Variants in IMMP2L observed in about 807,000 individuals in gnomAD.
The protein encoded by IMMP2L is inner mitochondrial membrane peptidase subunit 2.
In IMMP2L, 18 loss-of-function variants were observed where a neutral mutation model predicts 19.3. The ratio of observed to expected loss-of-function variants is 0.93; its 90% CI spans 0.64 to 1.38. IMMP2L has a LOEUF of 1.38. Among genes scored for constraint, IMMP2L ranks in the 40% most tolerant of loss-of-function variants. IMMP2L has a pLI of 0.00. For missense variants in IMMP2L, 233 were observed against 218.2 expected (o/e 1.07, Z -0.43); for synonymous variants, 76 against 73.0 (o/e 1.04, Z -0.21).
chr7:111,042,489 A>G (rs2129571168), intron 3 of IMMP2L, among the ~76,000 whole-genome samples: 1 of 152,288 alleles, frequency 6.6e-6, no homozygotes, highest in East Asian at 1.9e-4. Context: ...CTACCATTTA[A>G]AGATTTTATC....
chr7:110,744,334 A>C (rs977068486), intron 5 of IMMP2L, among the ~76,000 whole-genome samples: 2 of 152,318 alleles, frequency 1.3e-5, no homozygotes, highest in African/African-American at 4.8e-5. Context: ...AGCAGACTTA[A>C]ACGTCCCTAC....
chr7:111,167,104 G>A (rs1322739726), intron 3 of IMMP2L, among the ~76,000 whole-genome samples: 1 of 151,838 alleles, frequency 6.6e-6, no homozygotes, highest in African/African-American at 2.4e-5. Context: ...ATATCACTTG[G>A]CAATGTTCTA....
At chr7:111,347,397 G>A (rs548103182) in intron 3 of IMMP2L, among the ~76,000 whole-genome samples, 4 of 152,146 alleles carry the variant, frequency 2.6e-5, no homozygotes, top group South Asian at 2.1e-4. Context: ...AGGTAAAAAC[G>A]ATTAAGAAGT....
chr7:111,292,917 A>G (rs1316972237), intron 3 of IMMP2L, among the ~76,000 whole-genome samples: 1 of 152,022 alleles, frequency 6.6e-6, no homozygotes, highest in African/African-American at 2.4e-5. Context: ...TCACAGCACA[A>G]TGGTAAAGGC....
intron 2 of IMMP2L, among the ~76,000 whole-genome samples, chr7:111,519,227 G>A (rs879724392): frequency 6.6e-6 from 1 of 152,122 alleles, no homozygotes; most frequent in Non-Finnish European, 1.5e-5. Context: ...ACTGGTCTGA[G>A]AGAACTAAGC....
intron 3 of IMMP2L, among the ~76,000 whole-genome samples, chr7:111,034,525 T>A (rs1373426935): frequency 6.6e-6 from 1 of 152,136 alleles, no homozygotes; most frequent in Admixed American, 6.5e-5. Flanking sequence ...CCTCTATATT[T>A]ATCTATTCAT....
intron 3 of IMMP2L, among the ~76,000 whole-genome samples, chr7:111,451,767 G>C (rs1030762520): frequency 2.7e-5 from 4 of 149,946 alleles, no homozygotes; most frequent in African/African-American, 9.8e-5. Context: ...AAAAAGCAGA[G>C]AGAAGGCAAG....
At chr7:111,292,734 T>C (rs1039919026) in intron 3 of IMMP2L, among the ~76,000 whole-genome samples, 3 of 152,026 alleles carry the variant, frequency 2.0e-5, no homozygotes, top group Non-Finnish European at 2.9e-5. Flanking sequence ...GTGGCAAATA[T>C]TGAACATTTT....
At chr7:111,262,193 C>T (rs1817378997) in intron 3 of IMMP2L, among the ~76,000 whole-genome samples, 1 of 151,974 alleles carries the variant, frequency 6.6e-6, no homozygotes, top group Non-Finnish European at 1.5e-5. Context: ...ATGGCACAAA[C>T]AATCTATAAA....
intron 3 of IMMP2L, among the ~76,000 whole-genome samples, chr7:111,071,704 G>A (rs1187293587): frequency 6.6e-6 from 1 of 151,982 alleles, no homozygotes; most frequent in Non-Finnish European, 1.5e-5. Context: ...AAAAGCAGAT[G>A]GGTAGTTGCC....
chr7:110,796,516 T>C (rs1800873531), intron 5 of IMMP2L, among the ~76,000 whole-genome samples: 1 of 152,070 alleles, frequency 6.6e-6, no homozygotes, highest in African/African-American at 2.4e-5. Context: ...AACTCTCCAG[T>C]TAAATATTAT....
chr7:111,507,931 A>G (rs1845088133), intron 2 of IMMP2L, among the ~76,000 whole-genome samples: 1 of 152,154 alleles, frequency 6.6e-6, no homozygotes, highest in Admixed American at 6.5e-5. Flanking sequence ...GTACTGACCA[A>G]GCTCCTACTT....
chr7:111,192,529 T>C (rs1809001096), intron 3 of IMMP2L, among the ~76,000 whole-genome samples: 1 of 152,156 alleles, frequency 6.6e-6, no homozygotes, highest in Admixed American at 6.5e-5. Context: ...TTAATCTTAA[T>C]AAAATTAAGT....
chr7:111,222,215 C>T (rs1464377676), intron 3 of IMMP2L, among the ~76,000 whole-genome samples: 1 of 151,796 alleles, frequency 6.6e-6, no homozygotes, highest in Non-Finnish European at 1.5e-5. Flanking sequence ...TACCTCAATT[C>T]CTGATTGATT....
chr7:110,901,409 G>A lies in IMMP2L; in HGVS notation c.306-14714C>T, dbSNP rs140984907. On this transcript the variant is annotated intron_variant, in intron 4 of 5. Coordinates refer to ENST00000405709, the MANE Select transcript of IMMP2L (RefSeq NM_032549.4). ...TAAGGGTTGCTATTTCCCTCATTTC[G>A]GTAACAGTTTCATATACTATCTTAA... Among the ~76,000 whole-genome samples the A allele has an allele frequency of 6.8e-3, 1,039 of 152,082 alleles. 9 individuals carry two copies. The highest frequency in any genetic ancestry group is 0.022 in the African/African-American group (897 of 41,476).
chr7:110,988,240 G>T (rs1822061797), intron 3 of IMMP2L, among the ~76,000 whole-genome samples: 1 of 152,198 alleles, frequency 6.6e-6, no homozygotes, highest in Admixed American at 6.5e-5. Context: ...AGCCATAGGG[G>T]CAAGGCAGCT....
At chr7:110,886,539 T>G in intron 5 of IMMP2L, 54 bp downstream of exon 5, 4 of 956,988 alleles carry the variant, frequency 4.2e-6, no homozygotes, top group Non-Finnish European at 6.9e-6. Context: ...GACATAGTTT[T>G]GTTCTCACCT....
chr7:110,729,728 A>T (rs1002848872), intron 5 of IMMP2L, among the ~76,000 whole-genome samples: 1 of 152,168 alleles, frequency 6.6e-6, no homozygotes, highest in Non-Finnish European at 1.5e-5. Flanking sequence ...ACATGGACAC[A>T]TGGGTGGGGG....
At chr7:111,277,710 C>T (rs1819250969) in intron 3 of IMMP2L, among the ~76,000 whole-genome samples, 1 of 151,968 alleles carries the variant, frequency 6.6e-6, no homozygotes, top group Non-Finnish European at 1.5e-5. Context: ...ACTACTATTC[C>T]ATCCAGCAAT....
Sources: gnomAD v4.1 joint callset for allele counts (sites outside exome capture counted in the v4.1 genomes callset) on GRCh38, gnomAD v4.1.1 for gene constraint, MANE v1.5 for transcripts, NCBI Gene and HGNC (gene_info 2026-07-23, HGNC 2026-07-21) for gene names.